LRRTM4: variants seen among roughly 807,000 people sequenced by gnomAD.
LRRTM4 encodes leucine rich repeat transmembrane neuronal 4.
A neutral mutation model predicts 47.6 loss-of-function variants in LRRTM4; 25 were observed. That is an observed-to-expected ratio of 0.53 (90% CI 0.38 to 0.73). LRRTM4 has a LOEUF of 0.73. LRRTM4 is among the 30% of genes least tolerant of loss of function. The pLI, the probability that LRRTM4 is intolerant of heterozygous loss-of-function variation, is 0.00. For missense variants in LRRTM4, 638 were observed against 713.4 expected, an observed-to-expected ratio of 0.89 and a Z score of 1.20; for synonymous variants, 311 against 269.5, an observed-to-expected ratio of 1.15 and a Z score of -1.51.
At chr2:76,995,750 T>C (rs1677178359) in intron 3 of LRRTM4, among the ~76,000 whole-genome samples, 2 of 152,152 alleles carry the variant, frequency 1.3e-5, no homozygotes, top group South Asian at 4.1e-4. Flanking sequence ...AGATGTGAAC[T>C]CTGTAACTCC....
intron 3 of LRRTM4, among the ~76,000 whole-genome samples, chr2:77,280,979 A>T (rs138552811): frequency 7.8e-4 from 118 of 152,042 alleles, no homozygotes; most frequent in African/African-American, 2.6e-3. Flanking sequence ...CCCCTGATCT[A>T]TTAAGCTACT....
At chr2:77,127,032 C>T (rs767292057) in intron 3 of LRRTM4, among the ~76,000 whole-genome samples, 8 of 152,168 alleles carry the variant, frequency 5.3e-5, no homozygotes, top group Non-Finnish European at 8.8e-5. Flanking sequence ...ATACTTCTCC[C>T]TCCCATTCCC....
chr2:77,489,433 G>A (rs1385960967), intron 3 of LRRTM4, among the ~76,000 whole-genome samples: 1 of 152,098 alleles, frequency 6.6e-6, no homozygotes, highest in Non-Finnish European at 1.5e-5. Flanking sequence ...CTGAATTACG[G>A]TTACAAAAAT....
intron 3 of LRRTM4, among the ~76,000 whole-genome samples, chr2:76,997,188 A>G (rs1438048080): frequency 6.6e-6 from 1 of 152,120 alleles, no homozygotes; most frequent in Non-Finnish European, 1.5e-5. Context: ...GCTCAATCAA[A>G]TGGGCTTCAA....
chr2:77,246,035 T>C (rs1394229963), intron 3 of LRRTM4, among the ~76,000 whole-genome samples: 1 of 152,212 alleles, frequency 6.6e-6, no homozygotes, highest in Non-Finnish European at 1.5e-5. Flanking sequence ...GAGTTACTTA[T>C]CTTCTCTGGG....
At position 76,818,547 on chromosome 2, in the gene LRRTM4, T is replaced by C. The variant is rs75533291; in HGVS notation, c.1552-69631A>G. Among the ~76,000 whole-genome samples, 370 of 151,950 alleles carry C rather than the reference T, an allele frequency of 2.4e-3. 3 individuals are homozygous for C. The highest frequency in any genetic ancestry group is 8.6e-3 in the African/African-American group (355 of 41,504). ...GAAAGAACTGTGGTTACCAGCCTTCTCTTTTTCAATTCCTCACAAATAGAA... is the reference window on the plus strand; with the variant it reads ...GAAAGAACTGTGGTTACCAGCCTTCCCTTTTTCAATTCCTCACAAATAGAA... On this transcript the variant is annotated intron_variant, in intron 3 of 3. Transcript: ENST00000409884.
At chr2:77,483,118 CAAAAAAAAAAAAAAAAAAAAA>C (rs776265725) in intron 3 of LRRTM4, among the ~76,000 whole-genome samples, 5 of 60,580 alleles carry the variant, frequency 8.3e-5, no homozygotes, top group Admixed American at 2.9e-4. Context: ...AAGACTGTCT[CAAAAAAAAAAAAAAAAAAAAA>C]AAAAAAAAAA....
intron 3 of LRRTM4, among the ~76,000 whole-genome samples, chr2:76,817,082 A>G (rs937175647): frequency 4.6e-5 from 7 of 151,800 alleles, no homozygotes; most frequent in African/African-American, 1.7e-4. Flanking sequence ...GAAGAAATCT[A>G]AAGAATGAAG....
At chr2:77,397,459 G>C (rs1339941307) in intron 3 of LRRTM4, among the ~76,000 whole-genome samples, 1 of 151,750 alleles carries the variant, frequency 6.6e-6, no homozygotes, top group Non-Finnish European at 1.5e-5. Flanking sequence ...TCGCCCACAG[G>C]ACAGCAGGAG....
chr2:76,958,761 G>A (rs888250925), intron 3 of LRRTM4, among the ~76,000 whole-genome samples: 2 of 151,692 alleles, frequency 1.3e-5, no homozygotes, highest in Non-Finnish European at 3.0e-5. Flanking sequence ...ATTTTAGTGG[G>A]ATTAGAATTA....
chr2:77,035,285 A>T (rs1678796008), intron 3 of LRRTM4, among the ~76,000 whole-genome samples: 1 of 151,736 alleles, frequency 6.6e-6, no homozygotes, highest in South Asian at 2.1e-4. Context: ...ACAAACAAAC[A>T]AAAAACCAGA....
At chr2:77,140,015 C>T (rs143702822) in intron 3 of LRRTM4, among the ~76,000 whole-genome samples, 26 of 152,038 alleles carry the variant, frequency 1.7e-4, no homozygotes, top group African/African-American at 4.8e-4. Context: ...ATTTTGGATA[C>T]AAAGAATCAA....
chr2:77,014,232 G>A (rs924941438), intron 3 of LRRTM4, among the ~76,000 whole-genome samples: 6 of 152,150 alleles, frequency 3.9e-5, no homozygotes, highest in Non-Finnish European at 8.8e-5. Flanking sequence ...GTAACGGGAA[G>A]TAGGCAAAGG....
intron 3 of LRRTM4, among the ~76,000 whole-genome samples, chr2:76,943,499 C>A (rs1675220959): frequency 6.6e-6 from 1 of 152,140 alleles, no homozygotes; most frequent in African/African-American, 2.4e-5. Context: ...CATGTTTGAG[C>A]ATCACTTAAA....
rs1280436409 is a variant in LRRTM4, at chr2:76,748,091, G to T, written c.*604C>A. 6.6e-6 allele frequency: 1 copy of T among 152,312 alleles called. No homozygotes were observed. Among genetic ancestry groups the T allele is most frequent in the African/African-American group, 2.4e-5 (1 of 41,380 alleles). 9.4% of individuals were successfully genotyped at this position (152,312 alleles called of 1,614,324 possible). A position where few individuals can be genotyped will look rare whatever the true frequency, so the allele number is the denominator to read the frequency against. On this transcript the variant is annotated 3_prime_UTR_variant, in exon 4 of 4. Coordinates refer to ENST00000409884, the MANE Select transcript of LRRTM4 (RefSeq NM_001134745.3). Reference sequence around the variant, plus strand: ...AACTTTGTGGTCAACTTTCTCCGTGGTCCGTGGTAAAGCACATTTTCTTTT... The same window carrying T: ...AACTTTGTGGTCAACTTTCTCCGTGTTCCGTGGTAAAGCACATTTTCTTTT...
At chr2:77,038,486 T>C (rs1678909764) in intron 3 of LRRTM4, among the ~76,000 whole-genome samples, 2 of 151,538 alleles carry the variant, frequency 1.3e-5, no homozygotes, top group South Asian at 2.1e-4. Context: ...TCAGAGTCTA[T>C]GAAGTAATAT....
At position 76,877,649 on chromosome 2, in the gene LRRTM4, C is replaced by T. The variant is rs999786762; in HGVS notation, c.1552-128733G>A. Among the ~76,000 whole-genome samples the T allele has an allele frequency of 2.5e-4, 38 of 152,098 alleles. 1 individual carries two copies. Among genetic ancestry groups the T allele is most frequent in the East Asian group, 1.9e-4 (1 of 5,168 alleles). ...AAGAAAATTGACTATTCATTTATTA[C>T]TTCTAGAAATTCTATTTTCTTATGA... is the stretch of plus-strand genomic sequence containing the variant. On this transcript the variant is annotated intron_variant, in intron 3 of 3. Transcript: ENST00000409884.
At chr2:77,159,028 A>G (rs1237869515) in intron 3 of LRRTM4, among the ~76,000 whole-genome samples, 22 of 152,274 alleles carry the variant, frequency 1.4e-4, no homozygotes, top group Non-Finnish European at 1.5e-5. Flanking sequence ...ACCAGACTTT[A>G]TATCACTGTT....
At chr2:76,773,637 T>G (rs1432341911) in intron 3 of LRRTM4, among the ~76,000 whole-genome samples, 2 of 151,716 alleles carry the variant, frequency 1.3e-5, no homozygotes, top group East Asian at 3.9e-4. Flanking sequence ...AATAATAAAT[T>G]ATTAAAATTC....
Sources: gnomAD v4.1 joint callset for allele counts (sites outside exome capture counted in the v4.1 genomes callset) on GRCh38, gnomAD v4.1.1 for gene constraint, MANE v1.5 for transcripts, NCBI Gene and HGNC (gene_info 2026-07-23, HGNC 2026-07-21) for gene names.